The following TAS1R2 variants were observed in gnomAD, a reference collection of about 807,000 sequenced individuals.
TAS1R2 encodes taste 1 receptor member 2.
Under a neutral mutation model 49.3 loss-of-function variants are expected in TAS1R2, and 47 were observed. The ratio of observed to expected loss-of-function variants is 0.95; its 90% CI spans 0.75 to 1.22. The LOEUF (loss-of-function observed/expected upper bound fraction) is 1.22, where lower values mean the gene tolerates loss of function less well. Ranked by LOEUF, TAS1R2 falls within the 50% of genes most tolerant of loss-of-function variation. The pLI, the probability that TAS1R2 is intolerant of heterozygous loss-of-function variation, is 0.00. For synonymous variants in TAS1R2, 479 were observed against 467.9 expected (o/e 1.02, Z -0.31); for missense variants, 1,155 against 1,122.1 (o/e 1.03, Z -0.42).
At chr1:18,851,014 A>AT (rs1360157899) in intron 3 of TAS1R2, among the ~76,000 whole-genome samples, 2 of 152,202 alleles carry the variant, frequency 1.3e-5, no homozygotes, top group Non-Finnish European at 2.9e-5. Flanking sequence ...GATTCCTTCC[A>AT]TTTAACAGAT....
rs1418416152 is a variant in TAS1R2 at position 18,857,317 on chromosome 1, C to T, written c.483+14G>A. On this transcript the variant is annotated intron_variant, in intron 2 of 5. Coordinates refer to ENST00000375371, the Ensembl canonical transcript of TAS1R2. ...CCCCTCCCCAGGTCCTTCTCCAGGG[C>T]CCAGGGGCCTCACCTGTGGAAGGAG... is the stretch of plus-strand genomic sequence containing the variant. 8.7e-6 allele frequency: 14 copies of T among 1,609,838 alleles called. No homozygotes were observed. Among genetic ancestry groups the T allele is most frequent in the Middle Eastern group, 1.7e-4 (1 of 6,028 alleles).
At chr1:18,844,780 G>A (rs1398139556) in intron 4 of TAS1R2, among the ~76,000 whole-genome samples, 1 of 148,438 alleles carries the variant, frequency 6.7e-6, no homozygotes, top group African/African-American at 2.5e-5. Context: ...AGAAGAAGAA[G>A]AAGGTTGACT....
At chr1:18,851,598 G>A (rs1934026293) in intron 3 of TAS1R2, among the ~76,000 whole-genome samples, 2 of 152,076 alleles carry the variant, frequency 1.3e-5, no homozygotes, top group Admixed American at 1.3e-4. Flanking sequence ...CAAACTGCTG[G>A]GATTACAGGT....
chr1:18,839,817 A>C, exon 6 of TAS1R2: 1 of 1,614,186 alleles, frequency 6.2e-7, no homozygotes, highest in Non-Finnish European at 8.5e-7. Flanking sequence ...GTGAAATAGA[A>C]GGTCATGCTG....
chr1:18,859,592 C>T, exon 1 of TAS1R2: 1 of 1,614,100 alleles, frequency 6.2e-7, no homozygotes, highest in Non-Finnish European at 8.5e-7. Flanking sequence ...AGTCCGAGTT[C>T]TCAGCCGGCT....
chr1:18,841,977 A>T, intron 4 of TAS1R2, 125 bp from the exon 5 acceptor site: 2 of 945,822 alleles, frequency 2.1e-6, no homozygotes, highest in Non-Finnish European at 2.8e-6. Flanking sequence ...TTGGGGTGGA[A>T]ACTGTAGAAA....
intron 4 of TAS1R2, among the ~76,000 whole-genome samples, chr1:18,846,946 C>T (rs28771746): frequency 0.055 from 8,357 of 152,214 alleles, 284 homozygotes; most frequent in South Asian, 0.16. Context: ...GAGATCTGGT[C>T]GTTTAAATGT....
intron 3 of TAS1R2, among the ~76,000 whole-genome samples, chr1:18,852,591 C>T (rs1934050936): frequency 6.6e-6 from 1 of 152,184 alleles, no homozygotes; most frequent in African/African-American, 2.4e-5. Flanking sequence ...CATCTCAGTG[C>T]TTGGAATGCT....
At chr1:18,858,711 C>T (rs966433692) in intron 1 of TAS1R2, among the ~76,000 whole-genome samples, 1 of 152,184 alleles carries the variant, frequency 6.6e-6, no homozygotes, top group Non-Finnish European at 1.5e-5. Context: ...CATCATTATA[C>T]ACCCCACCAT....
intron 3 of TAS1R2, among the ~76,000 whole-genome samples, chr1:18,852,722 C>T (rs932391786): frequency 6.6e-6 from 1 of 152,204 alleles, no homozygotes; most frequent in Non-Finnish European, 1.5e-5. Flanking sequence ...AGTCACGTGG[C>T]CAGGCCACCA....
intron 4 of TAS1R2, among the ~76,000 whole-genome samples, chr1:18,845,151 A>C (rs992516575): frequency 1.3e-5 from 2 of 152,190 alleles, no homozygotes; most frequent in African/African-American, 4.8e-5. Context: ...TTGATGCAGG[A>C]CACTGTATCA....
At chr1:18,841,945 A>C in intron 4 of TAS1R2, 93 bp from the exon 5 acceptor site, 1 of 1,367,452 alleles carries the variant, frequency 7.3e-7, no homozygotes, top group Admixed American at 2.4e-5. Context: ...TCAGGGGAGG[A>C]AGCCTAGAAG....
chr1:18,842,332 C>T (rs1039116327), intron 4 of TAS1R2, among the ~76,000 whole-genome samples: 1 of 152,126 alleles, frequency 6.6e-6, no homozygotes, highest in Non-Finnish European at 1.5e-5. Flanking sequence ...GGCATACAAC[C>T]GAAATAACTG....
chr1:18,847,548 A>G (rs566528674), intron 4 of TAS1R2, among the ~76,000 whole-genome samples: 1 of 123,152 alleles, frequency 8.1e-6, no homozygotes, highest in South Asian at 2.7e-4. Flanking sequence ...GCAGGCTATT[A>G]GCAAAGGAGA....
intron 4 of TAS1R2, among the ~76,000 whole-genome samples, chr1:18,844,072 T>C (rs576383999): frequency 6.6e-6 from 1 of 152,316 alleles, no homozygotes; most frequent in East Asian, 1.9e-4. Context: ...GTTTGATATA[T>C]TAATGTGAGC....
rs769955901 is a variant in TAS1R2, at chr1:18,854,653, C to G, written c.817G>C (p.Val273Leu). The G allele has an allele frequency of 6.2e-7, 1 of 1,614,022 alleles. No individual in the cohort carries two copies. The highest frequency in any genetic ancestry group is 1.1e-5 in the South Asian group (1 of 91,074). Residue 273 changes from valine to leucine, a missense_variant, in exon 3 of 6, where the codon GTC (valine) becomes CTC (leucine). By Grantham distance (32) the Val-to-Leu change is conservative (BLOSUM62 1). Coordinates refer to ENST00000375371, the Ensembl canonical transcript of TAS1R2. This position sits in a 1 kb window ranked among gnomAD's most constrained non-coding sequence, Gnocchi z 4.9. Reference sequence around the variant, plus strand: ...AGGGTCAGGTCGGGCGAGAACACGACCACGACGCGCGCTGTGCTCTGCTGC... The same window carrying G: ...AGGGTCAGGTCGGGCGAGAACACGAGCACGACGCGCGCTGTGCTCTGCTGC...
intron 4 of TAS1R2, among the ~76,000 whole-genome samples, chr1:18,843,552 C>G (rs887098424): frequency 6.6e-5 from 10 of 152,218 alleles, no homozygotes; most frequent in African/African-American, 2.4e-4. Context: ...CTTTCAGTTT[C>G]AAGGCAGAGG....
chr1:18,854,601 C>T lies in TAS1R2; in HGVS notation c.869G>A (p.Arg290His), dbSNP rs368161143. The change falls in exon 3 of 6, where the codon CGC (arginine) becomes CAC (histidine). Residue 290 changes from arginine (R) to histidine (H), a missense_variant. Physicochemically the swap from Arg to His is conservative, Grantham distance 29 (BLOSUM62 0). Transcript: ENST00000375371. The surrounding 1 kb of genome is among the most constrained non-coding windows in gnomAD (Gnocchi z 4.9). ...CCACACGGCGCCAGTGAAGTTCTGG[C>T]GCAGCACCTCATTGAAGAAGTGGTA... 110 of 1,614,032 alleles carry T rather than the reference C, an allele frequency of 6.8e-5. No homozygotes were observed. In the East Asian group the frequency reaches 1.8e-3, roughly 26 times the overall value.
At chr1:18,856,082 C>T (rs1934133306) in intron 2 of TAS1R2, among the ~76,000 whole-genome samples, 1 of 152,200 alleles carries the variant, frequency 6.6e-6, no homozygotes, top group South Asian at 2.1e-4. Context: ...AACTCCTCAA[C>T]AGCTCCTAAC....
Sources: gnomAD v4.1 joint callset for allele counts (sites outside exome capture counted in the v4.1 genomes callset) on GRCh38, gnomAD v4.1.1 for gene constraint, Gnocchi (gnomAD v3.1) non-coding constraint, MANE v1.5 for transcripts, NCBI Gene and HGNC (gene_info 2026-07-23, HGNC 2026-07-21) for gene names.